Variants in ZNF704 observed in about 807,000 individuals in gnomAD.
ZNF704 encodes zinc finger protein 704, also known as glucocorticoid induced gene 1.
Under a neutral mutation model 44.7 loss-of-function variants are expected in ZNF704, and 10 were observed. That is an observed-to-expected ratio of 0.22 (90% CI 0.14 to 0.38). ZNF704 has a LOEUF of 0.38. Ranked by LOEUF, ZNF704 falls within the 10% of genes least tolerant of loss-of-function variation. ZNF704 has a pLI of 1.00. For missense variants in ZNF704, 390 were observed against 545.5 expected (o/e 0.71, Z 2.84); for synonymous variants, 211 against 207.6 (o/e 1.02, Z -0.14).
chr8:80,824,087 T>C (rs1808327159), intron 1 of ZNF704, among the ~76,000 whole-genome samples: 1 of 151,766 alleles, frequency 6.6e-6, no homozygotes, highest in African/African-American at 2.4e-5. Context: ...CTTTAACGAG[T>C]TGAGAGAAGG....
chr8:80,745,325 G>A (rs1388855203), intron 2 of ZNF704, among the ~76,000 whole-genome samples: 3 of 152,120 alleles, frequency 2.0e-5, no homozygotes, highest in Non-Finnish European at 4.4e-5. Flanking sequence ...GCTATATTAA[G>A]CTTTATAGAT....
In ZNF704 at chr8:80,687,421, C is replaced by T. The variant is rs377349412; in HGVS notation, c.363G>A (p.Val121=). The change falls in exon 4 of 9, where the codon GTG becomes GTA. Residue 121 remains valine, a synonymous_variant. Coordinates refer to ENST00000327835, the MANE Select transcript of ZNF704 (RefSeq NM_001033723.3). The part of the protein sequence containing the change: ...LSGSWKEGGC[V]PSSTSSSGYW... ...AGCCGCTGCTGCTGGTGCTGGAAGG[C>T]ACGCAGCCGCCCTCCTTCCAGGATC... 10 of 1,593,096 alleles carry T rather than the reference C, an allele frequency of 6.3e-6. No individual in the cohort carries two copies. The highest frequency in any genetic ancestry group is 8.5e-6 in the Non-Finnish European group (10 of 1,171,560).
At chr8:80,661,735 A>G (rs963145292) in intron 6 of ZNF704, among the ~76,000 whole-genome samples, 7 of 152,218 alleles carry the variant, frequency 4.6e-5, no homozygotes, top group African/African-American at 1.7e-4. Flanking sequence ...GGGAAATACA[A>G]TAATTGATGT....
intron 2 of ZNF704, among the ~76,000 whole-genome samples, chr8:80,712,777 A>G (rs1819006732): frequency 6.6e-6 from 1 of 152,134 alleles, no homozygotes; most frequent in Non-Finnish European, 1.5e-5. Context: ...AGCCTGGGCA[A>G]CAAGAGTGAA....
chr8:80,818,642 T>C (rs1808215474), intron 2 of ZNF704, among the ~76,000 whole-genome samples: 2 of 152,192 alleles, frequency 1.3e-5, no homozygotes, highest in Non-Finnish European at 2.9e-5. Flanking sequence ...TTTCCAGATA[T>C]TTTCAGTCAG....
At chr8:80,796,848 G>GAAAGAAAGA (rs373328452) in intron 2 of ZNF704, among the ~76,000 whole-genome samples, 6,729 of 146,312 alleles carry the variant, frequency 0.046, 543 homozygotes, top group African/African-American at 0.16. Flanking sequence ...AAAGAAAAAA[G>GAAAGAAAGA]AAAGAAAAGA....
intron 2 of ZNF704, among the ~76,000 whole-genome samples, chr8:80,776,149 AAAT>A (rs146801099): frequency 0.074 from 11,285 of 152,238 alleles, 495 homozygotes; most frequent in Middle Eastern, 0.13. Context: ...TCACTTCTAT[AAAT>A]AATAAGAGTG....
At chr8:80,673,997 A>G (rs561771144) in intron 4 of ZNF704, among the ~76,000 whole-genome samples, 1 of 152,326 alleles carries the variant, frequency 6.6e-6, no homozygotes, top group African/African-American at 2.4e-5. Flanking sequence ...ATGATGTTCT[A>G]CCTGCAGTGT....
intron 2 of ZNF704, among the ~76,000 whole-genome samples, chr8:80,761,455 A>G (rs1219515953): frequency 1.3e-5 from 2 of 152,202 alleles, no homozygotes; most frequent in Non-Finnish European, 2.9e-5. Context: ...CCTGAAAGAC[A>G]CAATCCTAAA....
intron 2 of ZNF704, among the ~76,000 whole-genome samples, chr8:80,803,236 C>T (rs556256587): frequency 8.5e-5 from 13 of 152,146 alleles, no homozygotes; most frequent in Admixed American, 2.6e-4. Flanking sequence ...AGGAAGAATC[C>T]GTATCATTAA....
At chr8:80,702,870 G>C (rs371344692) in intron 2 of ZNF704, among the ~76,000 whole-genome samples, 1 of 152,140 alleles carries the variant, frequency 6.6e-6, no homozygotes, top group Non-Finnish European at 1.5e-5. Context: ...GATGATGGCA[G>C]CATTGAGGAG....
intron 1 of ZNF704, among the ~76,000 whole-genome samples, chr8:80,848,617 G>C (rs1285436745): frequency 6.6e-6 from 1 of 151,990 alleles, no homozygotes; most frequent in Non-Finnish European, 1.5e-5. Context: ...GGCCAAGGTG[G>C]GTGGATCCCT....
At chr8:80,673,943 C>T (rs945078336) in intron 4 of ZNF704, among the ~76,000 whole-genome samples, 1 of 152,250 alleles carries the variant, frequency 6.6e-6, no homozygotes, top group Admixed American at 6.5e-5. Context: ...GCACAGCAAT[C>T]TTGCTGTTTC....
intron 1 of ZNF704, among the ~76,000 whole-genome samples, chr8:80,852,578 A>G (rs1349891605): frequency 6.6e-6 from 1 of 152,190 alleles, no homozygotes; most frequent in Non-Finnish European, 1.5e-5. Context: ...CACCTTACAC[A>G]GACTCCGAAT....
intron 2 of ZNF704, among the ~76,000 whole-genome samples, chr8:80,784,935 C>A (rs1465622725): frequency 6.6e-6 from 1 of 151,252 alleles, no homozygotes; most frequent in East Asian, 1.9e-4. Context: ...TCCCATACAG[C>A]CCCCATGCAG....
Position 80,629,190 on chromosome 8 carries a change from G to T in ZNF704, c.*12176C>A, listed in dbSNP as rs1253105850. On this transcript the variant is annotated 3_prime_UTR_variant, in exon 9 of 9. Coordinates refer to ENST00000327835, the MANE Select transcript of ZNF704 (RefSeq NM_001033723.3). ...TCTATGTACAATGTGCCAGAAGCTGGCAAGGAGCATGGCTGTGGAGCAGTC... is the reference window on the plus strand; with the variant it reads ...TCTATGTACAATGTGCCAGAAGCTGTCAAGGAGCATGGCTGTGGAGCAGTC... The T allele has an allele frequency of 6.6e-6, 1 of 152,114 alleles. No individual in the cohort carries two copies. Among genetic ancestry groups the T allele is most frequent in the Admixed American group, 6.5e-5 (1 of 15,282 alleles). 9.4% of individuals were successfully genotyped at this position (152,114 alleles called of 1,614,324 possible). A position where few individuals can be genotyped will look rare whatever the true frequency, so the allele number is the denominator to read the frequency against.
intron 1 of ZNF704, among the ~76,000 whole-genome samples, chr8:80,873,947 T>G (rs1809308909): frequency 6.8e-6 from 1 of 146,072 alleles, no homozygotes; most frequent in South Asian, 2.1e-4. Context: ...TAGGGCGGCT[T>G]CCTTGGCGGG....
intron 2 of ZNF704, among the ~76,000 whole-genome samples, chr8:80,704,878 T>A (rs1413168668): frequency 6.6e-6 from 1 of 152,212 alleles, no homozygotes; most frequent in Non-Finnish European, 1.5e-5. Flanking sequence ...TGTGGGCAGC[T>A]CTAGCAAATT....
At chr8:80,690,025 G>A (rs754822481) in intron 3 of ZNF704, among the ~76,000 whole-genome samples, 1 of 150,456 alleles carries the variant, frequency 6.6e-6, no homozygotes, top group South Asian at 2.1e-4. Flanking sequence ...AAAACTCATT[G>A]ATGTGCAATA....
Sources: allele counts gnomAD v4.1 joint callset (sites outside exome capture counted in the v4.1 genomes callset), GRCh38; gene constraint gnomAD v4.1.1; transcripts MANE v1.5; gene names NCBI Gene and HGNC (gene_info 2026-07-23, HGNC 2026-07-21).